Variants in HIVEP3 observed in about 807,000 individuals in gnomAD.
HIVEP3 encodes the protein HIVEP zinc finger 3.
Under a neutral mutation model 152.8 loss-of-function variants are expected in HIVEP3, and 49 were observed. The observed-to-expected ratio is 0.32, with a 90% CI of 0.26 to 0.41. The LOEUF is 0.41. Among genes scored for constraint, HIVEP3 ranks in the 10% least tolerant of loss-of-function variants. The pLI, the probability that HIVEP3 is intolerant of heterozygous loss-of-function variation, is 1.00. For synonymous variants in HIVEP3, 1,269 were observed against 1,289.0 expected (o/e 0.98, Z 0.33); for missense variants, 2,790 against 3,103.3 (o/e 0.90, Z 2.40).
chr1:41,700,799 TCTCCTGCCCGAGG>T (rs1221013510), intron 2 of HIVEP3, 104 bp downstream of exon 2: 24 of 288,328 alleles, frequency 8.3e-5, no homozygotes, highest in African/African-American at 4.1e-4. Context: ...GGGGCTCCAT[TCTCCTGCCCGAGG>T]CTAAGGTCAT....
At chr1:41,975,218 C>G (rs1386072202) in intron 1 of HIVEP3, among the ~76,000 whole-genome samples, 1 of 152,244 alleles carries the variant, frequency 6.6e-6, no homozygotes, top group Non-Finnish European at 1.5e-5. Flanking sequence ...AACTGCCCCC[C>G]TCTACCCAAT....
At chr1:41,740,211 C>T (rs935271654) in intron 1 of HIVEP3, among the ~76,000 whole-genome samples, 6 of 152,232 alleles carry the variant, frequency 3.9e-5, no homozygotes, top group Non-Finnish European at 5.9e-5. Flanking sequence ...CGGCCACCAC[C>T]AATGCTCTGG....
chr1:41,540,202 G>A (rs1211567548), intron 5 of HIVEP3, among the ~76,000 whole-genome samples: 1 of 152,232 alleles, frequency 6.6e-6, no homozygotes, highest in Non-Finnish European at 1.5e-5. Context: ...TACACCAGGT[G>A]CCTGGCCAAC....
At chr1:41,619,280 T>C (rs1645012934) in intron 3 of HIVEP3, among the ~76,000 whole-genome samples, 2 of 152,248 alleles carry the variant, frequency 1.3e-5, no homozygotes, top group Admixed American at 1.3e-4. Flanking sequence ...CCGTCCTGAC[T>C]GCCTGATTTC....
At chr1:42,014,538 C>T (rs941687029) in intron 1 of HIVEP3, among the ~76,000 whole-genome samples, 1 of 152,180 alleles carries the variant, frequency 6.6e-6, no homozygotes, top group Non-Finnish European at 1.5e-5. Context: ...ACATCCTGAG[C>T]TTCACAGAGT....
intron 1 of HIVEP3, among the ~76,000 whole-genome samples, chr1:41,917,222 T>C (rs1434455155): frequency 2.0e-5 from 3 of 152,128 alleles, no homozygotes; most frequent in African/African-American, 7.2e-5. Context: ...GATCATTACA[T>C]AATCACACAA....
chr1:41,678,311 G>A (rs1437065543), intron 2 of HIVEP3, among the ~76,000 whole-genome samples: 1 of 152,172 alleles, frequency 6.6e-6, no homozygotes, highest in Non-Finnish European at 1.5e-5. Context: ...CAATGCATTA[G>A]GCAGCTGGCC....
chr1:41,778,749 G>C (rs2124278385), intron 1 of HIVEP3, among the ~76,000 whole-genome samples: 1 of 152,342 alleles, frequency 6.6e-6, no homozygotes, highest in South Asian at 2.1e-4. Context: ...TGTGCTAGAG[G>C]GGAGGTGAAT....
intron 5 of HIVEP3, among the ~76,000 whole-genome samples, chr1:41,545,800 C>T (rs1219316030): frequency 6.6e-6 from 1 of 150,480 alleles, no homozygotes; most frequent in Non-Finnish European, 1.5e-5. Flanking sequence ...ACCATCACCA[C>T]CATCACCACC....
intron 1 of HIVEP3, among the ~76,000 whole-genome samples, chr1:42,001,075 G>A (rs938018222): frequency 2.0e-5 from 3 of 152,108 alleles, no homozygotes; most frequent in Admixed American, 6.5e-5. Flanking sequence ...TTTAAGATTT[G>A]AATCCAGGTG....
intron 1 of HIVEP3, among the ~76,000 whole-genome samples, chr1:41,742,476 G>GGCTT: frequency 6.6e-6 from 1 of 152,342 alleles, no homozygotes; most frequent in African/African-American, 2.4e-5. Context: ...CCCAGCATCT[G>GGCTT]GCTTGCTCGA....
intron 1 of HIVEP3, among the ~76,000 whole-genome samples, chr1:41,972,755 A>G (rs544350310): frequency 6.6e-6 from 1 of 152,360 alleles, no homozygotes; most frequent in Non-Finnish European, 1.5e-5. Context: ...GGTTCTTGAC[A>G]TCTTCACATC....
At chr1:41,691,378 C>CTCA (rs1646196332) in intron 2 of HIVEP3, among the ~76,000 whole-genome samples, 1 of 152,222 alleles carries the variant, frequency 6.6e-6, no homozygotes. Context: ...TAACTACTGA[C>CTCA]ATGACCATCT....
At chr1:41,545,322 G>A (rs796235161) in intron 5 of HIVEP3, among the ~76,000 whole-genome samples, 507 of 33,680 alleles carry the variant, frequency 0.015, no homozygotes, top group Middle Eastern at 0.056. Flanking sequence ...CGCTACCATC[G>A]CCACCATCAC....
chr1:41,713,471 TCA>T (rs1327003938), intron 1 of HIVEP3, among the ~76,000 whole-genome samples: 1 of 152,236 alleles, frequency 6.6e-6, no homozygotes, highest in East Asian at 1.9e-4. Flanking sequence ...AGCTCTGGAT[TCA>T]CAGTCAGCCT....
At chr1:41,744,347 C>T (rs775179913) in intron 1 of HIVEP3, among the ~76,000 whole-genome samples, 2 of 152,190 alleles carry the variant, frequency 1.3e-5, no homozygotes, top group Non-Finnish European at 2.9e-5. Flanking sequence ...CCCAGCCAGC[C>T]TTTTAAAATT....
chr1:41,639,826 G>A (rs1404182976), intron 2 of HIVEP3, among the ~76,000 whole-genome samples: 3 of 152,210 alleles, frequency 2.0e-5, no homozygotes, highest in Non-Finnish European at 4.4e-5. Context: ...CTCTCACATG[G>A]TAGCTGACTC....
At chr1:42,015,217 T>C (rs1039952357) in intron 1 of HIVEP3, among the ~76,000 whole-genome samples, 7 of 152,250 alleles carry the variant, frequency 4.6e-5, no homozygotes, top group Admixed American at 3.9e-4. Flanking sequence ...AGCTCAGGTA[T>C]GTAAAGAATG....
intron 2 of HIVEP3, among the ~76,000 whole-genome samples, chr1:41,659,998 A>G (rs1270877945): frequency 6.6e-6 from 1 of 152,206 alleles, no homozygotes; most frequent in Non-Finnish European, 1.5e-5. Flanking sequence ...GAGTATGAAC[A>G]AGTATACAGG....
Sources: gnomAD v4.1 joint callset for allele counts (sites outside exome capture counted in the v4.1 genomes callset) on GRCh38, gnomAD v4.1.1 for gene constraint, MANE v1.5 for transcripts, NCBI Gene and HGNC (gene_info 2026-07-23, HGNC 2026-07-21) for gene names.